ARMC2: variants seen among roughly 807,000 people sequenced by gnomAD.
The protein encoded by ARMC2 is armadillo repeat-containing protein 2.
In ARMC2, 67 loss-of-function variants were observed where a neutral mutation model predicts 90.3. The observed-to-expected ratio is 0.74, with a 90% CI of 0.61 to 0.91. ARMC2 has a LOEUF of 0.91. ARMC2 is among the 40% of genes least tolerant of loss of function. The pLI is 0.00. For missense variants in ARMC2, 920 were observed against 1,030.9 expected (o/e 0.89, Z 1.47); for synonymous variants, 393 against 393.0 (o/e 1.00, Z 0.00).
At chr6:108,904,660 AGAAG>A (rs780846372) in intron 8 of ARMC2, among the ~76,000 whole-genome samples, 4,524 of 148,232 alleles carry the variant, frequency 0.031, 178 homozygotes, top group East Asian at 0.2. Flanking sequence ...AAAAAAAAAA[AGAAG>A]AAGAAGAAGG....
intron 5 of ARMC2, among the ~76,000 whole-genome samples, chr6:108,883,857 C>A (rs1777822683): frequency 6.6e-6 from 1 of 151,956 alleles, no homozygotes; most frequent in Non-Finnish European, 1.5e-5. Flanking sequence ...CCCTTCTGTT[C>A]TTTCATTCTT....
intron 13 of ARMC2, among the ~76,000 whole-genome samples, chr6:108,956,652 G>T (rs931317565): frequency 3.3e-5 from 5 of 152,076 alleles, no homozygotes; most frequent in African/African-American, 1.2e-4. Flanking sequence ...AGTGAGCCAT[G>T]CTTACACCAC....
At chr6:109,008,331 C>T in the ARMC2 span, among the ~76,000 whole-genome samples, 3 of 152,184 alleles carry the variant, frequency 2.0e-5, no homozygotes, top group Admixed American at 1.3e-4. Flanking sequence ...TACTTTCATA[C>T]TGTTTTCACT....
chr6:109,052,062 T>G, the ARMC2 span, among the ~76,000 whole-genome samples: 1 of 152,216 alleles, frequency 6.6e-6, no homozygotes, highest in East Asian at 1.9e-4. Context: ...TTGAGGTTTT[T>G]GCCATTACTT....
intron 12 of ARMC2, among the ~76,000 whole-genome samples, chr6:108,945,258 G>T (rs1562416116): frequency 6.6e-6 from 1 of 152,092 alleles, no homozygotes; most frequent in African/African-American, 2.4e-5. Context: ...CGTCAGTGTT[G>T]CTACATTTAG....
At chr6:108,926,400 A>G (rs138895512) in intron 10 of ARMC2, among the ~76,000 whole-genome samples, 1 of 152,326 alleles carries the variant, frequency 6.6e-6, no homozygotes, top group African/African-American at 2.4e-5. Context: ...CAGCAATGGA[A>G]TTCCTAGAAT....
chr6:108,967,638 T>C (rs1486244206), intron 17 of ARMC2, among the ~76,000 whole-genome samples: 1 of 152,210 alleles, frequency 6.6e-6, no homozygotes, highest in African/African-American at 2.4e-5. Flanking sequence ...CGTTAAACCA[T>C]CTCTAGACTA....
chr6:109,013,302 A>G, the ARMC2 span, among the ~76,000 whole-genome samples: 2 of 152,134 alleles, frequency 1.3e-5, no homozygotes, highest in Non-Finnish European at 2.9e-5. Flanking sequence ...TGCTGAGGCA[A>G]TCTTGGCAAG....
intron 12 of ARMC2, among the ~76,000 whole-genome samples, chr6:108,951,813 C>G (rs1156418259): frequency 6.6e-6 from 1 of 152,234 alleles, no homozygotes; most frequent in Non-Finnish European, 1.5e-5. Flanking sequence ...AACTACTGAT[C>G]TGATCAACAA....
chr6:109,009,710 G>A, the ARMC2 span, among the ~76,000 whole-genome samples: 1 of 152,074 alleles, frequency 6.6e-6, no homozygotes, highest in Non-Finnish European at 1.5e-5. Flanking sequence ...GTCTGACGCG[G>A]CGAGGTGAAA....
intron 6 of ARMC2, among the ~76,000 whole-genome samples, chr6:108,895,223 G>T (rs1310484702): frequency 1.3e-5 from 2 of 151,206 alleles, no homozygotes; most frequent in Non-Finnish European, 2.9e-5. Flanking sequence ...AGCACTTTGG[G>T]AGACTGAGGC....
chr6:108,880,707 CTCCT>C (rs994781341), intron 5 of ARMC2, among the ~76,000 whole-genome samples: 2 of 150,628 alleles, frequency 1.3e-5, no homozygotes, highest in East Asian at 1.9e-4. Context: ...TTTTTCTTCT[CTCCT>C]TCCTTCCTTC....
chr6:108,855,986 CT>C (rs1774554304), intron 2 of ARMC2, among the ~76,000 whole-genome samples: 2 of 152,180 alleles, frequency 1.3e-5, no homozygotes, highest in South Asian at 4.1e-4. Context: ...CAAATGTTGT[CT>C]CCTGCTCTGC....
chr6:108,860,661 CAAA>C (rs61194526), intron 3 of ARMC2, among the ~76,000 whole-genome samples: 1,136 of 60,018 alleles, frequency 0.019, 14 homozygotes, highest in African/African-American at 0.063. Context: ...GACTCCATCT[CAAA>C]AAAAAAAAAA....
the ARMC2 span, among the ~76,000 whole-genome samples, chr6:109,050,310 C>G: frequency 6.7e-6 from 1 of 148,506 alleles, no homozygotes; most frequent in Non-Finnish European, 1.5e-5. Flanking sequence ...AAGTAGCAGT[C>G]AAAACATTCA....
chr6:108,909,006 A>G (rs563742104), intron 8 of ARMC2, among the ~76,000 whole-genome samples: 18 of 152,224 alleles, frequency 1.2e-4, no homozygotes, highest in Non-Finnish European at 1.6e-4. Flanking sequence ...GGAAGCAGAG[A>G]TTGCAATGAG....
At chr6:109,031,510 T>G in the ARMC2 span, among the ~76,000 whole-genome samples, 1 of 152,290 alleles carries the variant, frequency 6.6e-6, no homozygotes, top group East Asian at 1.9e-4. Flanking sequence ...CCTCTAATCA[T>G]GGCCCACCCC....
chr6:108,992,264 AATTTT>A, the ARMC2 span, among the ~76,000 whole-genome samples: 5 of 151,954 alleles, frequency 3.3e-5, no homozygotes, highest in African/African-American at 1.2e-4. Flanking sequence ...ACACCTGGCT[AATTTT>A]ATTTTATTTT....
chr6:108,891,690 G>A (rs535999279), intron 5 of ARMC2, among the ~76,000 whole-genome samples: 79 of 152,204 alleles, frequency 5.2e-4, no homozygotes, highest in African/African-American at 1.9e-3. Flanking sequence ...CTCCTATTCT[G>A]TAGGTTGCTT....
Sources: allele counts gnomAD v4.1 joint callset (sites outside exome capture counted in the v4.1 genomes callset), GRCh38; gene constraint gnomAD v4.1.1; transcripts MANE v1.5; gene names NCBI Gene and HGNC (gene_info 2026-07-23, HGNC 2026-07-21).